The following NF2 variants were observed in gnomAD, a reference collection of about 807,000 sequenced individuals.
NF2 encodes the protein NF2, moesin-ezrin-radixin like (MERLIN) tumor suppressor.
A neutral mutation model predicts 83.7 loss-of-function variants in NF2; 8 were observed. The observed-to-expected ratio is 0.10, with a 90% CI of 0.06 to 0.17. The LOEUF (loss-of-function observed/expected upper bound fraction) is 0.17, where lower values mean the gene tolerates loss of function less well. Ranked by LOEUF, NF2 falls within the 10% of genes least tolerant of loss-of-function variation. The pLI is 1.00. For missense variants in NF2, 533 were observed against 744.4 expected, an observed-to-expected ratio of 0.72 and a Z score of 3.31; for synonymous variants, 266 against 269.6, an observed-to-expected ratio of 0.99 and a Z score of 0.13.
At chr22:29,606,519 G>A (rs551263430) in intron 1 of NF2, among the ~76,000 whole-genome samples, 73 of 152,290 alleles carry the variant, frequency 4.8e-4, no homozygotes, top group Non-Finnish European at 1.8e-4. Context: ...AGAGAAGCAG[G>A]CCCTAAAACA....
rs532516781 is a variant in NF2, at chr22:29,635,420, C to T, written c.115-1331C>T. ...CTCGGCTCACTGCAACCTCCGCCTC[C>T]CGGTTTCGAGTGATTCCCCTGCCTC... is the stretch of plus-strand genomic sequence containing the variant. On this transcript the variant is annotated intron_variant, in intron 1 of 15. Coordinates refer to ENST00000338641, the MANE Select transcript of NF2 (RefSeq NM_000268.4). Among the ~76,000 whole-genome samples the T allele has an allele frequency of 2.0e-5, 3 of 152,242 alleles. No individual in the cohort carries two copies. In the South Asian group the frequency reaches 6.2e-4, roughly 32 times the overall value.
intron 1 of NF2, among the ~76,000 whole-genome samples, chr22:29,610,458 T>C (rs2064920917): frequency 1.3e-5 from 2 of 151,672 alleles, no homozygotes; most frequent in Admixed American, 1.3e-4. Context: ...GCCTGTCTAA[T>C]ATGGTGAAAC....
rs565652442 is a variant in NF2, at chr22:29,665,490, C to T, written c.885+426C>T. On this transcript the variant is annotated intron_variant, in intron 9 of 15. Transcript: ENST00000338641. ...AACTCCTGACCTCAGGTGACCCATC[C>T]GCCTGGGCTTCCCAAAGTGCTGGGA... Among the ~76,000 whole-genome samples, 10 of 152,254 alleles carry T rather than the reference C, an allele frequency of 6.6e-5. No homozygotes were observed. In the East Asian group the frequency reaches 1.7e-3, roughly 26 times the overall value.
chr22:29,604,809 G>C (rs375607021), intron 1 of NF2, among the ~76,000 whole-genome samples: 1 of 152,134 alleles, frequency 6.6e-6, no homozygotes, highest in East Asian at 1.9e-4. Context: ...TGCTTTTTCT[G>C]TACAGGACCA....
intron 8 of NF2, among the ~76,000 whole-genome samples, chr22:29,662,025 G>A (rs1296962274): frequency 6.6e-6 from 1 of 152,004 alleles, no homozygotes; most frequent in Non-Finnish European, 1.5e-5. Context: ...TTCCATATAG[G>A]GTGGTGACTT....
chr22:29,672,673 T>C (rs2066835492), intron 11 of NF2, among the ~76,000 whole-genome samples: 1 of 149,648 alleles, frequency 6.7e-6, no homozygotes, highest in South Asian at 2.1e-4. Flanking sequence ...TGGAGTGCAA[T>C]GGCATGATCT....
intron 14 of NF2, among the ~76,000 whole-genome samples, chr22:29,680,946 GTT>G (rs66739096): frequency 1.3e-5 from 2 of 149,548 alleles, no homozygotes; most frequent in African/African-American, 4.9e-5. Flanking sequence ...TTTCACGTAT[GTT>G]TTTTTTTTGT....
chr22:29,640,766 G>T (rs1053358794), intron 3 of NF2, among the ~76,000 whole-genome samples: 5 of 43,610 alleles, frequency 1.1e-4, no homozygotes, highest in African/African-American at 3.4e-4. Context: ...AGGTCTGGGG[G>T]GCGTGTGTGT....
chr22:29,604,214 C>A, intron 1 of NF2, 102 bp downstream of exon 1: 3 of 947,252 alleles, frequency 3.2e-6, no homozygotes, highest in Non-Finnish European at 3.3e-6. Flanking sequence ...ACGGGCAGAA[C>A]CGGAAGGGCC....
intron 4 of NF2, among the ~76,000 whole-genome samples, chr22:29,653,776 T>C (rs1275843672): frequency 2.6e-5 from 4 of 152,222 alleles, no homozygotes; most frequent in African/African-American, 7.2e-5. Flanking sequence ...ACCTTTGTTT[T>C]TTCACTGTTG....
At chr22:29,692,762 G>A (rs1018995024) in intron 15 of NF2, among the ~76,000 whole-genome samples, 8 of 152,202 alleles carry the variant, frequency 5.3e-5, no homozygotes, top group African/African-American at 1.7e-4. Context: ...TCCCCAGGGA[G>A]GGGAGAAACG....
intron 4 of NF2, among the ~76,000 whole-genome samples, chr22:29,642,955 TA>T (rs1361058941): frequency 1.3e-5 from 2 of 149,896 alleles, no homozygotes; most frequent in Non-Finnish European, 1.5e-5. Flanking sequence ...TAAATCACTA[TA>T]GACCTTTTTT....
rs200098005 is a variant in NF2 at position 29,677,500 on chromosome 22, CA to C, written c.1447-682del. 0.013 allele frequency among the ~76,000 whole-genome samples: 1,697 copies of C among 128,664 alleles called. 76 individuals are homozygous for C. In the South Asian group the frequency reaches 0.16, roughly 12 times the overall value. 84.4% of individuals were successfully genotyped at this position (128,664 alleles called of 152,430 possible). A position where few individuals can be genotyped will look rare whatever the true frequency, so the allele number is the denominator to read the frequency against. On this transcript the variant is annotated intron_variant, in intron 13 of 15. Coordinates refer to ENST00000338641, the MANE Select transcript of NF2 (RefSeq NM_000268.4). ...GACCCTTTGTGCTGGGATGAAAGTC[CA>C]AAAAAAAAAAAAACTACACCACCCC...
intron 15 of NF2, among the ~76,000 whole-genome samples, chr22:29,691,663 T>C (rs2067408063): frequency 6.6e-6 from 1 of 152,232 alleles, no homozygotes; most frequent in African/African-American, 2.4e-5. Flanking sequence ...CAGTGAGCTT[T>C]CTAGAAGCAG....
At chr22:29,615,857 A>G (rs2065069282) in intron 1 of NF2, among the ~76,000 whole-genome samples, 1 of 152,238 alleles carries the variant, frequency 6.6e-6, no homozygotes, top group East Asian at 1.9e-4. Flanking sequence ...TAGCTTTACG[A>G]GAAAAACTTA....
intron 15 of NF2, among the ~76,000 whole-genome samples, chr22:29,686,593 C>T (rs1479450738): frequency 6.6e-6 from 1 of 152,138 alleles, no homozygotes; most frequent in African/African-American, 2.4e-5. Flanking sequence ...GAGCCAAGAT[C>T]GTGCCATTGC....
chr22:29,627,994 A>G (rs2065409584), intron 1 of NF2, among the ~76,000 whole-genome samples: 1 of 152,206 alleles, frequency 6.6e-6, no homozygotes, highest in Non-Finnish European at 1.5e-5. Flanking sequence ...GCTTCATTGC[A>G]ATCATTAATT....
chr22:29,668,494 C>T, intron 10 of NF2, 48 bp downstream of exon 10: 1 of 1,479,082 alleles, frequency 6.8e-7, no homozygotes, highest in Non-Finnish European at 9.4e-7. Context: ...GTGGTCAGTC[C>T]TGGCCTGGGA....
chr22:29,694,775 C>T lies in NF2; in HGVS notation c.1761C>T (p.Ser587=). 3 of 1,613,882 alleles carry T rather than the reference C, an allele frequency of 1.9e-6. No homozygotes were observed. The highest frequency in any genetic ancestry group is 2.2e-5 in the East Asian group (1 of 44,862). Residue 587 remains serine, a synonymous_variant, in exon 16 of 16, where the codon TCC becomes TCT. Transcript: ENST00000338641. The surrounding 1 kb of genome is among the most constrained non-coding windows in gnomAD (Gnocchi z 4.1). The part of the protein sequence containing the change: ...IKKLTLQSAK[S]RVAFFEEL ...AGCTCACCTTGCAGAGCGCCAAGTC[C>T]CGAGTGGCCTTCTTTGAAGAGCTCT...
Sources: allele counts gnomAD v4.1 joint callset (sites outside exome capture counted in the v4.1 genomes callset), GRCh38; gene constraint gnomAD v4.1.1; non-coding constraint Gnocchi (gnomAD v3.1); transcripts MANE v1.5; gene names NCBI Gene and HGNC (gene_info 2026-07-23, HGNC 2026-07-21).